Variants in DSCAML1 observed in about 807,000 individuals in gnomAD.
DSCAML1 encodes the protein cell adhesion molecule DSCAML1.
In DSCAML1, 38 loss-of-function variants were observed where a neutral mutation model predicts 200.5. The observed-to-expected ratio is 0.19, with a 90% CI of 0.15 to 0.25. The LOEUF is 0.25. DSCAML1 is among the 10% of genes least tolerant of loss of function. The pLI is 1.00. For synonymous variants in DSCAML1, 1,215 were observed against 1,165.0 expected (o/e 1.04, Z -0.87); for missense variants, 2,223 against 2,858.8 (o/e 0.78, Z 5.07).
At chr11:117,664,548 T>C (rs2052933434) in intron 3 of DSCAML1, among the ~76,000 whole-genome samples, 2 of 152,148 alleles carry the variant, frequency 1.3e-5, no homozygotes, top group South Asian at 4.1e-4. Flanking sequence ...GGTGTTACGC[T>C]TGTATATGAA....
At chr11:117,442,471 ATG>A (rs758598305) in intron 21 of DSCAML1, among the ~76,000 whole-genome samples, 21 of 151,272 alleles carry the variant, frequency 1.4e-4, no homozygotes, top group Middle Eastern at 3.4e-3. Flanking sequence ...GTGCATATGC[ATG>A]TGTTTGTGCG....
chr11:117,669,728 G>A (rs139416974), intron 3 of DSCAML1, among the ~76,000 whole-genome samples: 1 of 152,258 alleles, frequency 6.6e-6, no homozygotes, highest in African/African-American at 2.4e-5. Flanking sequence ...GAGACCTGAA[G>A]GATGAGATGG....
At chr11:117,677,906 G>A (rs575230222) in intron 3 of DSCAML1, among the ~76,000 whole-genome samples, 12 of 152,224 alleles carry the variant, frequency 7.9e-5, no homozygotes, top group East Asian at 1.9e-4. Context: ...GCTGCACCGC[G>A]CCTCTGACAG....
chr11:117,493,463 T>C (rs943679781), intron 11 of DSCAML1, among the ~76,000 whole-genome samples: 10 of 150,740 alleles, frequency 6.6e-5, no homozygotes, highest in African/African-American at 2.4e-4. Flanking sequence ...ACTACAGGGG[T>C]GCGCCATCAT....
intron 1 of DSCAML1, among the ~76,000 whole-genome samples, chr11:117,785,280 C>T (rs1030338710): frequency 2.0e-5 from 3 of 152,046 alleles, no homozygotes; most frequent in Admixed American, 2.0e-4. Context: ...ACTGATTTAG[C>T]CAGGAGCCAT....
intron 1 of DSCAML1, among the ~76,000 whole-genome samples, chr11:117,786,130 A>G (rs762312222): frequency 6.6e-6 from 1 of 152,156 alleles, no homozygotes; most frequent in Non-Finnish European, 1.5e-5. Flanking sequence ...AACCAGGCAT[A>G]TTTACCGAAA....
intron 3 of DSCAML1, among the ~76,000 whole-genome samples, chr11:117,568,170 A>G (rs1833249221): frequency 6.6e-6 from 1 of 152,274 alleles, no homozygotes; most frequent in Non-Finnish European, 1.5e-5. Flanking sequence ...ACAAAATTCA[A>G]CAACCCTTCC....
chr11:117,766,939 C>T (rs1157679937), intron 3 of DSCAML1, among the ~76,000 whole-genome samples: 1 of 152,238 alleles, frequency 6.6e-6, no homozygotes, highest in African/African-American at 2.4e-5. Context: ...GCTTTGAGAG[C>T]TCCTAGGGCA....
intron 3 of DSCAML1, chr11:117,668,348 G>A (rs900946443): frequency 1.3e-5 from 2 of 152,062 alleles, no homozygotes; most frequent in Admixed American, 1.3e-4. Flanking sequence ...GATCCCACAG[G>A]ATCAGTTCAT....
At chr11:117,488,612 T>C (rs1474191736) in intron 11 of DSCAML1, among the ~76,000 whole-genome samples, 2 of 151,892 alleles carry the variant, frequency 1.3e-5, no homozygotes, top group Non-Finnish European at 2.9e-5. Context: ...ACAAACACAG[T>C]CACCCTCACA....
chr11:117,662,300 C>G (rs562568315), intron 3 of DSCAML1, among the ~76,000 whole-genome samples: 14 of 152,298 alleles, frequency 9.2e-5, no homozygotes, highest in Middle Eastern at 3.4e-3. Flanking sequence ...GCAAACGCTC[C>G]CTTTCATGGA....
intron 14 of DSCAML1, among the ~76,000 whole-genome samples, chr11:117,476,645 CT>C (rs1441603948): frequency 1.3e-5 from 2 of 152,204 alleles, no homozygotes; most frequent in African/African-American, 4.8e-5. Context: ...AATGTGGTGT[CT>C]GCATTTTTAA....
intron 3 of DSCAML1, among the ~76,000 whole-genome samples, chr11:117,592,957 C>T (rs2051287102): frequency 6.6e-6 from 1 of 152,248 alleles, no homozygotes; most frequent in African/African-American, 2.4e-5. Context: ...AGTCACCTCC[C>T]CCAGGCTCAG....
chr11:117,702,744 T>C (rs979321784), intron 3 of DSCAML1, among the ~76,000 whole-genome samples: 4 of 152,216 alleles, frequency 2.6e-5, no homozygotes, highest in African/African-American at 9.6e-5. Flanking sequence ...CTGAGTTTCA[T>C]CATAATACTA....
At chr11:117,638,770 C>T (rs1267600600) in intron 3 of DSCAML1, among the ~76,000 whole-genome samples, 5 of 152,106 alleles carry the variant, frequency 3.3e-5, no homozygotes, top group African/African-American at 7.2e-5. Flanking sequence ...TTTATCCATT[C>T]GTTTTGTTCA....
At chr11:117,629,452 G>T (rs1209376832) in intron 3 of DSCAML1, among the ~76,000 whole-genome samples, 3 of 152,154 alleles carry the variant, frequency 2.0e-5, no homozygotes, top group Non-Finnish European at 2.9e-5. Flanking sequence ...GTGCACATGG[G>T]GAGCCCTGGG....
At chr11:117,477,193 C>T (rs1029102275) in intron 14 of DSCAML1, among the ~76,000 whole-genome samples, 1 of 95,164 alleles carries the variant, frequency 1.1e-5, no homozygotes, top group African/African-American at 4.7e-5. Flanking sequence ...AGGAAGCTGT[C>T]CTTAGACACA....
At chr11:117,569,303 G>T (rs2050808288) in intron 3 of DSCAML1, among the ~76,000 whole-genome samples, 1 of 152,208 alleles carries the variant, frequency 6.6e-6, no homozygotes, top group Admixed American at 6.5e-5. Context: ...TCAGGACATA[G>T]GCATGGGCAA....
chr11:117,638,837 A>C (rs544894317), intron 3 of DSCAML1, among the ~76,000 whole-genome samples: 1 of 152,314 alleles, frequency 6.6e-6, no homozygotes, highest in South Asian at 2.1e-4. Context: ...TGCTGCTGTG[A>C]ACATCCATGC....
Sources: gnomAD v4.1 joint callset for allele counts (sites outside exome capture counted in the v4.1 genomes callset) on GRCh38, gnomAD v4.1.1 for gene constraint, MANE v1.5 for transcripts, NCBI Gene and HGNC (gene_info 2026-07-23, HGNC 2026-07-21) for gene names.